Variants in STAU2 observed in about 807,000 individuals in gnomAD.
STAU2 encodes the protein staufen double-stranded RNA binding protein 2.
A neutral mutation model predicts 65.9 loss-of-function variants in STAU2; 20 were observed. The ratio of observed to expected loss-of-function variants is 0.30; its 90% CI spans 0.21 to 0.44. The LOEUF (loss-of-function observed/expected upper bound fraction) is 0.44, where lower values mean the gene tolerates loss of function less well. STAU2 is among the 20% of genes least tolerant of loss of function. STAU2 has a pLI of 1.00. For synonymous variants in STAU2, 232 were observed against 233.9 expected, an observed-to-expected ratio of 0.99 and a Z score of 0.07; for missense variants, 558 against 683.9, an observed-to-expected ratio of 0.82 and a Z score of 2.05.
chr8:73,458,126 TA>T (rs577281936), intron 13 of STAU2, among the ~76,000 whole-genome samples: 287 of 152,382 alleles, frequency 1.9e-3, no homozygotes, highest in Non-Finnish European at 3.3e-3. Context: ...ATTTGACTTT[TA>T]AAATTTCCTT....
At chr8:73,440,061 T>C (rs1405978701) in intron 13 of STAU2, 2 of 152,264 alleles carry the variant, frequency 1.3e-5, no homozygotes, top group African/African-American at 4.8e-5. Context: ...ATTTTTTTCT[T>C]AATATGGGAA....
At chr8:73,532,981 T>C (rs1321808839) in intron 13 of STAU2, among the ~76,000 whole-genome samples, 1 of 152,192 alleles carries the variant, frequency 6.6e-6, no homozygotes, top group East Asian at 1.9e-4. Flanking sequence ...GATTTGATTT[T>C]ACCTACAATT....
At chr8:73,710,611 G>A (rs992911209) in intron 3 of STAU2, among the ~76,000 whole-genome samples, 2 of 151,812 alleles carry the variant, frequency 1.3e-5, no homozygotes, top group Admixed American at 6.6e-5. Flanking sequence ...AAACTATATC[G>A]CAAATACAAG....
intron 9 of STAU2, among the ~76,000 whole-genome samples, chr8:73,609,019 A>T (rs879707632): frequency 1.3e-5 from 2 of 152,184 alleles, no homozygotes; most frequent in Non-Finnish European, 2.9e-5. Flanking sequence ...CAGCAGTTTC[A>T]GCAGCTGGAT....
At chr8:73,651,500 C>A in intron 6 of STAU2, 2 of 715,960 alleles carry the variant, frequency 2.8e-6, no homozygotes, top group Admixed American at 1.8e-5. Context: ...GGAGTCACTG[C>A]ACGCACCCCT....
At chr8:73,469,697 G>A (rs1412957121) in intron 13 of STAU2, among the ~76,000 whole-genome samples, 2 of 151,950 alleles carry the variant, frequency 1.3e-5, no homozygotes, top group African/African-American at 4.8e-5. Flanking sequence ...GAAAAACAAG[G>A]GTGAAAAGCA....
rs1339712830 is a variant in STAU2, at chr8:73,613,956, C to A, written c.679G>T (p.Val227Phe). ...LKRNMPVSFE[V>F]IKESGPPHMK... ...TGTGGTGGTCCACTTTCTTTAATAA[C>A]CTATTAAATACAAGTAAAATATTAA... Residue 227 changes from valine to phenylalanine, a missense_variant and splice_region_variant, in exon 9 of 15, where the codon GTT becomes TTT. Coordinates refer to ENST00000524300, the MANE Select transcript of STAU2 (RefSeq NM_001164380.2). 1 of 1,595,214 alleles carries A rather than the reference C, an allele frequency of 6.3e-7. No homozygotes were observed. Among genetic ancestry groups the A allele is most frequent in the Non-Finnish European group, 8.5e-7 (1 of 1,170,604 alleles).
chr8:73,551,200 A>G, intron 13 of STAU2: 2 of 987,612 alleles, frequency 2.0e-6, no homozygotes, highest in Non-Finnish European at 1.2e-6. Flanking sequence ...AATTCTTTCA[A>G]AAGCTCCAAT....
intron 9 of STAU2, among the ~76,000 whole-genome samples, chr8:73,605,842 T>TAC (rs1176899097): frequency 7.3e-4 from 86 of 118,364 alleles, no homozygotes; most frequent in African/African-American, 1.7e-3. Flanking sequence ...CACATACACA[T>TAC]ACACACACAC....
At chr8:73,658,241 G>T (rs913901325) in intron 6 of STAU2, among the ~76,000 whole-genome samples, 2 of 152,058 alleles carry the variant, frequency 1.3e-5, no homozygotes, top group African/African-American at 4.8e-5. Flanking sequence ...GGTGGCCCAC[G>T]CCTGTAGTCC....
At chr8:73,688,487 A>G (rs6987030) in intron 5 of STAU2, among the ~76,000 whole-genome samples, 167 bp downstream of exon 5, 138,447 of 151,098 alleles carry the variant, frequency 0.92, 63,572 homozygotes, top group East Asian at 0.96. Flanking sequence ...TTTTTATGCT[A>G]CCGTGTGTGT....
At chr8:73,730,496 G>A (rs935712365) in intron 3 of STAU2, among the ~76,000 whole-genome samples, 1 of 152,106 alleles carries the variant, frequency 6.6e-6, no homozygotes, top group Admixed American at 6.5e-5. Context: ...GGAGGCCGAG[G>A]AGGGTGGATC....
intron 6 of STAU2, among the ~76,000 whole-genome samples, chr8:73,643,834 T>C (rs1223324593): frequency 1.3e-5 from 2 of 152,212 alleles, no homozygotes; most frequent in Non-Finnish European, 2.9e-5. Flanking sequence ...TATTAAATAG[T>C]TGTACACTTA....
In STAU2 at chr8:73,613,342, C is replaced by T. The variant is rs574626377; in HGVS notation, c.891+402G>A. Among the ~76,000 whole-genome samples, 33 of 152,204 alleles carry T rather than the reference C, an allele frequency of 2.2e-4. No homozygotes were observed. The South Asian group carries it at 5.4e-3, about 25-fold the overall frequency. ...AAGAACACTGGATTAGAGATCAGAG[C>T]GGTTCAGGAGGTTTGACATGATTGC... On this transcript the variant is annotated intron_variant, in intron 9 of 14. Transcript: ENST00000524300.
intron 5 of STAU2, among the ~76,000 whole-genome samples, chr8:73,674,850 T>C (rs1350030340): frequency 6.6e-6 from 1 of 151,422 alleles, no homozygotes; most frequent in Non-Finnish European, 1.5e-5. Context: ...TAACTGAAAA[T>C]ATAGTCTTAA....
In STAU2 at chr8:73,683,042, G is replaced by A. The variant is rs142981229; in HGVS notation, c.274+5612C>T. Among the ~76,000 whole-genome samples the A allele has an allele frequency of 5.6e-3, 859 of 152,126 alleles. 11 individuals are homozygous for A. The highest frequency in any genetic ancestry group is 8.0e-3 in the Non-Finnish European group (544 of 67,970). ...GAATTCTAACAGACTTTCAAAAAAA[G>A]AACTGGTATTAATCCTATTGGCACT... On this transcript the variant is annotated intron_variant, in intron 5 of 14. Transcript: ENST00000524300.
At chr8:73,746,692 C>T (rs1330390194) in intron 1 of STAU2, 91 bp downstream of exon 1, 3 of 779,076 alleles carry the variant, frequency 3.9e-6, no homozygotes, top group Non-Finnish European at 5.2e-6. Flanking sequence ...CCCCGTGCTG[C>T]GGAACTGCAG....
intron 13 of STAU2, among the ~76,000 whole-genome samples, chr8:73,466,338 T>A (rs1819651897): frequency 6.6e-6 from 1 of 152,144 alleles, no homozygotes; most frequent in South Asian, 2.1e-4. Context: ...AAAAAAATAA[T>A]CCCTGGTGTT....
chr8:73,443,141 G>A (rs1228161935), intron 13 of STAU2, among the ~76,000 whole-genome samples: 4 of 152,114 alleles, frequency 2.6e-5, no homozygotes, highest in East Asian at 1.9e-4. Context: ...GGCATATTGC[G>A]AATGTTTTTC....
Sources: gnomAD v4.1 joint callset for allele counts (sites outside exome capture counted in the v4.1 genomes callset) on GRCh38, gnomAD v4.1.1 for gene constraint, MANE v1.5 for transcripts, NCBI Gene and HGNC (gene_info 2026-07-23, HGNC 2026-07-21) for gene names.